LRRC8B: variants seen among roughly 807,000 people sequenced by gnomAD.
The protein encoded by LRRC8B is volume-regulated anion channel subunit LRRC8B.
In LRRC8B, 23 loss-of-function variants were observed where a neutral mutation model predicts 58.8. The observed-to-expected ratio is 0.39, with a 90% confidence interval of 0.28 to 0.55. LRRC8B has a LOEUF of 0.55. Ranked by LOEUF, LRRC8B falls within the 20% of genes least tolerant of loss-of-function variation. The pLI is 0.62. For missense variants in LRRC8B, 694 were observed against 936.0 expected, an observed-to-expected ratio of 0.74 and a Z score of 3.37; for synonymous variants, 359 against 374.1, an observed-to-expected ratio of 0.96 and a Z score of 0.47.
chr1:89,548,482 G>A (rs1010528823), intron 1 of LRRC8B, among the ~76,000 whole-genome samples: 1 of 152,182 alleles, frequency 6.6e-6, no homozygotes, highest in African/African-American at 2.4e-5. Context: ...AACCTTGAGG[G>A]GGAAAGTAGT....
chr1:89,573,144 CA>C (rs1334809181), intron 3 of LRRC8B, among the ~76,000 whole-genome samples: 27 of 151,776 alleles, frequency 1.8e-4, no homozygotes, highest in African/African-American at 6.3e-4. Flanking sequence ...ACTAAAAATA[CA>C]AAAAATTAGC....
At chr1:89,536,766 A>G (rs1279980134) in intron 1 of LRRC8B, among the ~76,000 whole-genome samples, 6 of 152,212 alleles carry the variant, frequency 3.9e-5, no homozygotes, top group Non-Finnish European at 8.8e-5. Flanking sequence ...GATACCGAGT[A>G]TGATGCTCAC....
At position 89,596,819 on chromosome 1, in the gene LRRC8B, T is replaced by C. The variant is rs911035094; in HGVS notation, c.*3776T>C. On this transcript the variant is annotated 3_prime_UTR_variant, in exon 6 of 6. Transcript: ENST00000330947. ...AGCCAGTGCCTGTAATTATGTCTCATTGAGTAGTTTTACTTTGCCCATCCT... is the reference window on the plus strand; with the variant it reads ...AGCCAGTGCCTGTAATTATGTCTCACTGAGTAGTTTTACTTTGCCCATCCT... 1.3e-5 allele frequency: 2 copies of C among 152,292 alleles called. No individual in the cohort carries two copies. Among genetic ancestry groups the C allele is most frequent in the South Asian group, 2.1e-4 (1 of 4,830 alleles). 9.4% of individuals were successfully genotyped at this position (152,292 alleles called of 1,614,324 possible). A position where few individuals can be genotyped will look rare whatever the true frequency, so the allele number is the denominator to read the frequency against.
intron 1 of LRRC8B, among the ~76,000 whole-genome samples, chr1:89,556,079 G>A (rs151220832): frequency 6.6e-6 from 1 of 152,096 alleles, no homozygotes; most frequent in African/African-American, 2.4e-5. Context: ...GAACTTTTAC[G>A]CCCACCATCA....
At chr1:89,560,052 C>G (rs1652502697) in intron 1 of LRRC8B, among the ~76,000 whole-genome samples, 1 of 152,198 alleles carries the variant, frequency 6.6e-6, no homozygotes, top group African/African-American at 2.4e-5. Flanking sequence ...AGTAGAGACT[C>G]TATCAATCAT....
intron 1 of LRRC8B, among the ~76,000 whole-genome samples, chr1:89,560,430 C>G (rs1206394949): frequency 6.6e-6 from 1 of 150,904 alleles, no homozygotes; most frequent in African/African-American, 2.4e-5. Flanking sequence ...TAAATGTGCA[C>G]ATTGTGCAGG....
intron 1 of LRRC8B, among the ~76,000 whole-genome samples, chr1:89,535,000 C>A (rs1650424622): frequency 6.6e-6 from 1 of 151,980 alleles, no homozygotes; most frequent in South Asian, 2.1e-4. Flanking sequence ...GAGATTTTTA[C>A]ACCCCAAGGC....
At chr1:89,585,494 A>G (rs1270305421) in intron 5 of LRRC8B, among the ~76,000 whole-genome samples, 2 of 152,212 alleles carry the variant, frequency 1.3e-5, no homozygotes, top group East Asian at 3.8e-4. Flanking sequence ...GAAAAAGGAA[A>G]AATTCACTGT....
At chr1:89,547,658 A>G (rs1255063681) in intron 1 of LRRC8B, among the ~76,000 whole-genome samples, 2 of 152,170 alleles carry the variant, frequency 1.3e-5, no homozygotes, top group African/African-American at 4.8e-5. Flanking sequence ...TATTTTGTAA[A>G]TGGTTCACAT....
chr1:89,550,680 G>C (rs1040202723), intron 1 of LRRC8B, among the ~76,000 whole-genome samples: 4 of 152,134 alleles, frequency 2.6e-5, no homozygotes, highest in African/African-American at 9.7e-5. Context: ...CTTTATAACA[G>C]AGCCTTTCAC....
chr1:89,536,139 T>C (rs1049717613), intron 1 of LRRC8B, among the ~76,000 whole-genome samples: 4 of 152,192 alleles, frequency 2.6e-5, no homozygotes, highest in Non-Finnish European at 4.4e-5. Context: ...TGATAGACAT[T>C]TGCCCATCAA....
intron 3 of LRRC8B, among the ~76,000 whole-genome samples, chr1:89,572,013 TCTC>T (rs1653508276): frequency 6.6e-6 from 1 of 152,196 alleles, no homozygotes; most frequent in African/African-American, 2.4e-5. Flanking sequence ...GGTGTTAAAG[TCTC>T]CTACTATTTT....
Position 89,524,894 on chromosome 1 carries a change from G to C in LRRC8B, c.-369G>C, listed in dbSNP as rs1050221432. 2 of 152,260 alleles carry C rather than the reference G, an allele frequency of 1.3e-5. No individual in the cohort carries two copies. Among genetic ancestry groups the C allele is most frequent in the East Asian group, 3.9e-4 (2 of 5,180 alleles). 9.4% of individuals were successfully genotyped at this position (152,260 alleles called of 1,614,324 possible). A position where few individuals can be genotyped will look rare whatever the true frequency, so the allele number is the denominator to read the frequency against. On this transcript the variant is annotated 5_prime_UTR_variant, in exon 1 of 6. Transcript: ENST00000330947. Reference sequence around the variant, plus strand: ...GGAGGCGGCGAGCCGGACAGCGCCGGGGCTTCCCGCTGAGCCCGCAGCCTC... The same window carrying C: ...GGAGGCGGCGAGCCGGACAGCGCCGCGGCTTCCCGCTGAGCCCGCAGCCTC...
At position 89,593,734 on chromosome 1, in the gene LRRC8B, C is replaced by T. The variant is rs959659566; in HGVS notation, c.*691C>T. 1 of 152,184 alleles carries T rather than the reference C, an allele frequency of 6.6e-6. No homozygotes were observed. Among genetic ancestry groups the T allele is most frequent in the African/African-American group, 2.4e-5 (1 of 41,446 alleles). 9.4% of individuals were successfully genotyped at this position (152,184 alleles called of 1,614,324 possible). A position where few individuals can be genotyped will look rare whatever the true frequency, so the allele number is the denominator to read the frequency against. ...TTTGCACACTTGTTTTAACTGACTT[C>T]CTGTTTTGATATTTATCACCAAGAC... is the stretch of plus-strand genomic sequence containing the variant. On this transcript the variant is annotated 3_prime_UTR_variant, in exon 6 of 6. Coordinates refer to ENST00000330947, the MANE Select transcript of LRRC8B (RefSeq NM_001369817.2).
Position 89,584,846 on chromosome 1 carries a change from A to G in LRRC8B, c.2139+57A>G, listed in dbSNP as rs112792690. On this transcript the variant is annotated intron_variant, in intron 5 of 5. Coordinates refer to ENST00000330947, the MANE Select transcript of LRRC8B (RefSeq NM_001369817.2). ...ATCTGCCGTACTTATAGTGCATTACATAGGGAAAGAAAACACACTTCAAAT... is the reference window on the plus strand; with the variant it reads ...ATCTGCCGTACTTATAGTGCATTACGTAGGGAAAGAAAACACACTTCAAAT... The G allele has an allele frequency of 4.3e-5, 52 of 1,220,900 alleles. No individual in the cohort carries two copies. In the African/African-American group the frequency reaches 5.0e-4, roughly 12 times the overall value. The allele number at this position is 1,220,900 out of a possible 1,614,324, so 75.6% of individuals were successfully genotyped here.
intron 1 of LRRC8B, among the ~76,000 whole-genome samples, chr1:89,549,193 T>C (rs935906392): frequency 6.6e-6 from 1 of 152,150 alleles, no homozygotes. Flanking sequence ...ACAGATAATG[T>C]AGGAAAAACA....
chr1:89,552,981 A>G (rs1280724995), intron 1 of LRRC8B, among the ~76,000 whole-genome samples: 1 of 152,230 alleles, frequency 6.6e-6, no homozygotes, highest in African/African-American at 2.4e-5. Context: ...CTGCTTTCAC[A>G]ATATGATCAT....
chr1:89,592,030 A>G (rs1287497514), intron 5 of LRRC8B, among the ~76,000 whole-genome samples: 1 of 152,156 alleles, frequency 6.6e-6, no homozygotes, highest in African/African-American at 2.4e-5. Context: ...TCTTCTATGT[A>G]CTGTGGCGCC....
At chr1:89,574,136 A>C (rs1433071393) in intron 3 of LRRC8B, among the ~76,000 whole-genome samples, 2 of 152,246 alleles carry the variant, frequency 1.3e-5, no homozygotes, top group African/African-American at 4.8e-5. Flanking sequence ...CCCAGCCAGC[A>C]ATCAGTAGAA....
Sources: gnomAD v4.1 joint callset for allele counts (sites outside exome capture counted in the v4.1 genomes callset) on GRCh38, gnomAD v4.1.1 for gene constraint, MANE v1.5 for transcripts, NCBI Gene and HGNC (gene_info 2026-07-23, HGNC 2026-07-21) for gene names.